STIL: variants seen among roughly 807,000 people sequenced by gnomAD.
STIL encodes STIL centriolar assembly protein.
STIL carries 55 observed loss-of-function variants against 110.1 expected under a neutral mutation model. The ratio of observed to expected loss-of-function variants is 0.50; its 90% CI spans 0.40 to 0.63. The LOEUF is 0.63. STIL is among the 20% of genes least tolerant of loss of function. STIL has a pLI of 0.00. For missense variants in STIL, 1,358 were observed against 1,530.0 expected, an observed-to-expected ratio of 0.89 and a Z score of 1.87; for synonymous variants, 481 against 530.0, an observed-to-expected ratio of 0.91 and a Z score of 1.27.
At chr1:47,264,656 G>C (rs1320029205) in intron 14 of STIL, among the ~76,000 whole-genome samples, 1 of 152,152 alleles carries the variant, frequency 6.6e-6, no homozygotes, top group Admixed American at 6.6e-5. Context: ...AAGGGGGACT[G>C]GAAGCCCTGG....
chr1:47,305,847 T>A (rs754143373), intron 2 of STIL, among the ~76,000 whole-genome samples: 65 of 137,704 alleles, frequency 4.7e-4, no homozygotes, highest in Middle Eastern at 8.9e-3. Flanking sequence ...TCCTCCCACC[T>A]CAGCCTCCCG....
chr1:47,252,646 A>G (rs1028647), intron 16 of STIL, among the ~76,000 whole-genome samples: 64,363 of 151,728 alleles, frequency 0.42, 15,728 homozygotes, highest in South Asian at 0.55. Flanking sequence ...AATAAAATCA[A>G]ACACAAAACA....
At chr1:47,262,868 T>A (rs1208098778) in intron 15 of STIL, 35 bp downstream of exon 15, 1 of 1,599,840 alleles carries the variant, frequency 6.3e-7, no homozygotes, top group Non-Finnish European at 8.6e-7. Flanking sequence ...CTAAATAACC[T>A]TCTCAAAAAG....
chr1:47,261,456 T>A (rs551582987), intron 15 of STIL, among the ~76,000 whole-genome samples: 1 of 151,554 alleles, frequency 6.6e-6, no homozygotes, highest in South Asian at 2.1e-4. Context: ...AAAAATCATT[T>A]GAGTACAGGC....
rs761354395 is a variant in STIL, at chr1:47,289,493, T to C, written c.965A>G (p.Lys322Arg). Residue 322 changes from lysine (K) to arginine (R), a missense_variant, in exon 9 of 17, where the codon AAG (lysine) becomes AGG (arginine). By Grantham distance (26) the Lys-to-Arg change is conservative. Coordinates refer to ENST00000371877, the MANE Select transcript of STIL (RefSeq NM_001048166.1). ...CAACTGAAACCGAAAGTCAGGTATC[T>C]TGCCATCACAAGGGAAGCATTCATA... ...EFYECFPCDG[K>R]IPDFRFQLLT... The C allele has an allele frequency of 5.6e-6, 9 of 1,613,952 alleles. No homozygotes were observed. Among genetic ancestry groups the C allele is most frequent in the Admixed American group, 1.7e-5 (1 of 60,026 alleles).
At chr1:47,265,252 A>AC in intron 14 of STIL, among the ~76,000 whole-genome samples, 1 of 150,488 alleles carries the variant, frequency 6.6e-6, no homozygotes, top group East Asian at 1.9e-4. Flanking sequence ...AAAAAAAAAA[A>AC]AAAAAAAACA....
intron 12 of STIL, among the ~76,000 whole-genome samples, chr1:47,274,766 T>C (rs1022458): frequency 0.049 from 7,309 of 150,214 alleles, 557 homozygotes; most frequent in African/African-American, 0.16. Context: ...TTAAATCAAA[T>C]GGTAACTAGT....
At chr1:47,270,952 T>C (rs984142088) in intron 13 of STIL, among the ~76,000 whole-genome samples, 21 of 152,146 alleles carry the variant, frequency 1.4e-4, no homozygotes, top group African/African-American at 5.1e-4. Context: ...GTGCAAACAT[T>C]ATAGGCATGA....
chr1:47,284,637 C>A (rs532735467), intron 10 of STIL, among the ~76,000 whole-genome samples: 1 of 152,300 alleles, frequency 6.6e-6, no homozygotes, highest in South Asian at 2.1e-4. Context: ...AGCCTGTAAT[C>A]CCAGCACTTT....
At chr1:47,314,529 G>C (rs1014568829), upstream of STIL, among the ~76,000 whole-genome samples, 2 of 152,226 alleles carry the variant, frequency 1.3e-5, no homozygotes, top group African/African-American at 2.4e-5. Flanking sequence ...GCGACTGGAA[G>C]CGGACACCCG....
intron 13 of STIL, among the ~76,000 whole-genome samples, chr1:47,270,255 T>TACACACACACAC (rs56253074): frequency 6.5e-4 from 78 of 119,382 alleles, no homozygotes; most frequent in Admixed American, 9.2e-4. Context: ...TATATATATA[T>TACACACACACAC]ACACACACAC....
chr1:47,290,697 C>T (rs911140589), intron 8 of STIL, among the ~76,000 whole-genome samples: 1 of 146,254 alleles, frequency 6.8e-6, no homozygotes, highest in African/African-American at 2.5e-5. Context: ...AGCAAGACTC[C>T]GTCTCAAAAA....
Position 47,250,868 on chromosome 1 carries a change from G to T in STIL, c.*268C>A. The stretch of plus-strand genomic sequence containing the variant: ...AGCAGTTGAGACTTAGAGCTGGATA[G>T]TATCTGTCTACTACTTAAACTTGTA... On this transcript the variant is annotated 3_prime_UTR_variant, in exon 17 of 17. Coordinates refer to ENST00000371877, the MANE Select transcript of STIL (RefSeq NM_001048166.1). The T allele has an allele frequency of 2.4e-6, 1 of 414,524 alleles. No individual in the cohort carries two copies. Among genetic ancestry groups the T allele is most frequent in the Non-Finnish European group, 4.3e-6 (1 of 231,476 alleles). The allele number at this position is 414,524 out of a possible 1,614,324, so 25.7% of individuals were successfully genotyped here.
Position 47,260,389 on chromosome 1 carries a change from A to C in STIL, c.2980T>G (p.Cys994Gly). ...THHSRLVDKD[C>G]VLNATLKQLR... Reference sequence around the variant, plus strand: ...TGCTTAAGAGTTGCATTAAGGACACAATCTTTGTCCACCAGTCTTGAATGA... The same window carrying C: ...TGCTTAAGAGTTGCATTAAGGACACCATCTTTGTCCACCAGTCTTGAATGA... Residue 994 changes from cysteine to glycine, a missense_variant, in exon 16 of 17, where the codon TGT becomes GGT. Coordinates refer to ENST00000371877, the MANE Select transcript of STIL (RefSeq NM_001048166.1). The C allele has an allele frequency of 1.9e-6, 3 of 1,614,152 alleles. No homozygotes were observed. The highest frequency in any genetic ancestry group is 2.5e-6 in the Non-Finnish European group (3 of 1,180,032).
chr1:47,301,324 C>T (rs1222132461), intron 5 of STIL, among the ~76,000 whole-genome samples: 1 of 152,146 alleles, frequency 6.6e-6, no homozygotes, highest in African/African-American at 2.4e-5. Flanking sequence ...CTAAACACTA[C>T]CCTAAGTACA....
chr1:47,260,925 A>C (rs1057473875), intron 15 of STIL, among the ~76,000 whole-genome samples: 1 of 152,212 alleles, frequency 6.6e-6, no homozygotes, highest in Non-Finnish European at 1.5e-5. Context: ...TAATGATACA[A>C]CAAGGCCAGG....
intron 3 of STIL, among the ~76,000 whole-genome samples, chr1:47,302,872 C>T (rs1645846661): frequency 6.6e-6 from 1 of 152,106 alleles, no homozygotes; most frequent in African/African-American, 2.4e-5. Flanking sequence ...ATAATTTTAA[C>T]AGTATACTGT....
chr1:47,288,025 G>A (rs566031182), intron 9 of STIL, among the ~76,000 whole-genome samples: 1 of 146,320 alleles, frequency 6.8e-6, no homozygotes, highest in East Asian at 2.0e-4. Context: ...TAATATAAAG[G>A]TATTTTATAT....
At chr1:47,297,343 CAA>C (rs34222408) in intron 6 of STIL, among the ~76,000 whole-genome samples, 1 of 143,434 alleles carries the variant, frequency 7.0e-6, no homozygotes, top group Non-Finnish European at 1.5e-5. Context: ...GACTCCATCT[CAA>C]AAAAAAAAAA....
Sources: gnomAD v4.1 joint callset for allele counts (sites outside exome capture counted in the v4.1 genomes callset) on GRCh38, gnomAD v4.1.1 for gene constraint, MANE v1.5 for transcripts, NCBI Gene and HGNC (gene_info 2026-07-23, HGNC 2026-07-21) for gene names.